Variants in ZBTB11 observed in about 807,000 individuals in gnomAD.
The protein encoded by ZBTB11 is zinc finger and BTB domain-containing protein 11.
ZBTB11 carries 68 observed loss-of-function variants against 113.1 expected under a neutral mutation model. That is an observed-to-expected ratio of 0.60 (90% confidence interval 0.49 to 0.74). The LOEUF (loss-of-function observed/expected upper bound fraction) is 0.74, where lower values mean the gene tolerates loss of function less well. Among genes scored for constraint, ZBTB11 ranks in the 30% least tolerant of loss-of-function variants. The pLI is 0.00. For synonymous variants in ZBTB11, 518 were observed against 452.6 expected (o/e 1.14, Z -1.83); for missense variants, 1,104 against 1,279.4 (o/e 0.86, Z 2.09).
chr3:101,651,269 A>G lies in ZBTB11; in HGVS notation c.3059T>C (p.Val1020Ala). The G allele has an allele frequency of 6.2e-7, 1 of 1,614,206 alleles. No individual in the cohort carries two copies. Among genetic ancestry groups the G allele is most frequent in the Non-Finnish European group, 8.5e-7 (1 of 1,180,036 alleles). ...TTGCTGTTGTGCTAATACATAATTA[A>G]CCACTTGCATAATACTTTGGTCAGA... ...TLSDQSIMQV[V>A]NYVLAQQQGQ... Residue 1020 changes from valine to alanine, a missense_variant, in exon 11 of 11, where the codon GTT becomes GCT. By Grantham distance (64) the Val-to-Ala change is moderately conservative. This residue lies in a region of ZBTB11 where 90 missense variants were observed against 98.0 expected (regional missense o/e 0.92). Transcript: ENST00000312938.
At chr3:101,661,061 G>A (rs558707812) in intron 5 of ZBTB11, among the ~76,000 whole-genome samples, 13 of 151,678 alleles carry the variant, frequency 8.6e-5, no homozygotes, top group Non-Finnish European at 1.5e-4. Context: ...GTAAAACCCT[G>A]TCTCTACAAA....
At position 101,650,369 on chromosome 3, in the gene ZBTB11, C is replaced by T. The variant is rs928063244; in HGVS notation, c.*797G>A. ...TTTTCCATTAATTGTCCTATGTTAT[C>T]AAGGAGAATTTTCCTGTCAACAGTG... is the stretch of plus-strand genomic sequence containing the variant. On this transcript the variant is annotated 3_prime_UTR_variant, in exon 11 of 11. Coordinates refer to ENST00000312938, the MANE Select transcript of ZBTB11 (RefSeq NM_014415.4). The T allele has an allele frequency of 1.3e-5, 2 of 152,456 alleles. No homozygotes were observed. The highest frequency in any genetic ancestry group is 2.9e-5 in the Non-Finnish European group (2 of 67,984). 9.4% of individuals were successfully genotyped at this position (152,456 alleles called of 1,614,324 possible). A position where few individuals can be genotyped will look rare whatever the true frequency, so the allele number is the denominator to read the frequency against.
In ZBTB11 at chr3:101,659,956, G is replaced by C. The variant is rs1270074999; in HGVS notation, c.1873C>G (p.Pro625Ala). The change falls in exon 6 of 11, where the codon CCC becomes GCC. Residue 625 changes from proline to alanine, a missense_variant. By Grantham distance (27) the Pro-to-Ala change is conservative. Around this residue, in one of 5 missense-constraint regions of ZBTB11, gnomAD observed 535 missense variants for 518.6 expected, o/e 1.03. Coordinates refer to ENST00000312938, the MANE Select transcript of ZBTB11 (RefSeq NM_014415.4). Reference protein sequence around the residue: ...HLIRHTRKDAPSSSSSNSTSN... With the variant: ...HLIRHTRKDAASSSSSNSTSN... ...GTGGAATTGGACGAGGATGAAGAGG[G>C]TGCATCTTTTCTGGTATGACGAATA... The C allele has an allele frequency of 3.7e-6, 6 of 1,614,164 alleles. No individual in the cohort carries two copies. The East Asian group carries it at 1.1e-4, about 30-fold the overall frequency.
chr3:101,671,894 G>C (rs1241118633), intron 2 of ZBTB11, 84 bp downstream of exon 2: 1 of 1,047,250 alleles, frequency 9.5e-7, no homozygotes, highest in South Asian at 1.3e-5. Flanking sequence ...CAGTCTTAGT[G>C]GTTTGAGAAA....
intron 6 of ZBTB11, among the ~76,000 whole-genome samples, chr3:101,658,048 C>T (rs922148342): frequency 6.6e-6 from 1 of 152,084 alleles, no homozygotes; most frequent in African/African-American, 2.4e-5. Context: ...ATGTTTACAA[C>T]AGCACAATTC....
rs1486236371 is a variant in ZBTB11, at chr3:101,649,321, T to C, written c.*1845A>G. The C allele has an allele frequency of 6.6e-6, 1 of 152,224 alleles. No individual in the cohort carries two copies. The highest frequency in any genetic ancestry group is 2.4e-5 in the African/African-American group (1 of 41,456). The allele number at this position is 152,224 out of a possible 1,614,324, so 9.4% of individuals were successfully genotyped here. A position where few individuals can be genotyped will look rare whatever the true frequency, so the allele number is the denominator to read the frequency against. ...GTAAGAAGTTTTAATATTGTGTTCC[T>C]CCAATCGTTATTTTTTAGTGTTTTA... On this transcript the variant is annotated 3_prime_UTR_variant, in exon 11 of 11. Transcript: ENST00000312938.
In ZBTB11 at chr3:101,651,477, T is replaced by C; in HGVS notation, c.2851A>G (p.Thr951Ala). ...VPCKIMLEKD[T>A]LQFHNQGTQV... ...GTTCCTTGGTTATGAAACTGAAGGG[T>C]GTCTTTTTCCAGCATAATTTTGCAA... is the stretch of plus-strand genomic sequence containing the variant. Residue 951 changes from threonine to alanine, a missense_variant, in exon 11 of 11, where the codon ACC (threonine) becomes GCC (alanine). Transcript: ENST00000312938. The C allele has an allele frequency of 6.2e-7, 1 of 1,614,060 alleles. No individual in the cohort carries two copies. Among genetic ancestry groups the C allele is most frequent in the Non-Finnish European group, 8.5e-7 (1 of 1,179,996 alleles).
intron 6 of ZBTB11, among the ~76,000 whole-genome samples, chr3:101,659,002 C>A (rs1346707832): frequency 6.6e-6 from 1 of 152,098 alleles, no homozygotes; most frequent in Non-Finnish European, 1.5e-5. Flanking sequence ...ACTTTGGGAG[C>A]CTGACGTAGG....
At chr3:101,674,359 G>A (rs1279622026) in intron 1 of ZBTB11, among the ~76,000 whole-genome samples, 2 of 151,880 alleles carry the variant, frequency 1.3e-5, no homozygotes, top group African/African-American at 4.8e-5. Context: ...CAATGGGTTC[G>A]AGTTAAATAT....
intron 7 of ZBTB11, 87 bp from the exon 8 acceptor site, chr3:101,654,908 C>T: frequency 1.0e-6 from 1 of 1,000,100 alleles, no homozygotes; most frequent in East Asian, 2.4e-5. Context: ...GCATCTCACT[C>T]TGTTGCCCAG....
Position 101,676,666 on chromosome 3 carries a change from G to A in ZBTB11, c.249C>T (p.Gly83=). ...TCTGATGCCGGGTGTGGTGAGTGCC[G>A]CCGGGACCCAGGTGCGCCGCCTCGA... ...DLIEAAHLGP[G]GTHHTRHQTW... The change falls in exon 1 of 11, where the codon GGC becomes GGT. Residue 83 remains glycine (G), a synonymous_variant. Transcript: ENST00000312938. The A allele has an allele frequency of 6.3e-7, 1 of 1,588,642 alleles. No individual in the cohort carries two copies. The highest frequency in any genetic ancestry group is 8.6e-7 in the Non-Finnish European group (1 of 1,165,768).
Position 101,676,940 on chromosome 3 carries a change from C to A in ZBTB11, c.-26G>T, listed in dbSNP as rs905090971. 2.6e-6 allele frequency: 4 copies of A among 1,542,430 alleles called. No individual in the cohort carries two copies. Among genetic ancestry groups the A allele is most frequent in the Non-Finnish European group, 3.5e-6 (4 of 1,141,524 alleles). On this transcript the variant is annotated 5_prime_UTR_variant, in exon 1 of 11. Coordinates refer to ENST00000312938, the MANE Select transcript of ZBTB11 (RefSeq NM_014415.4). ...CGCGGACCGCGGCTCCCTGAGGGCG[C>A]CTGTCAGGGACAGGTGAGGAAAACG...
At position 101,664,631 on chromosome 3, in the gene ZBTB11, A is replaced by G. The variant is rs372895110; in HGVS notation, c.1707T>C (p.His569=). Residue 569 remains histidine (H), a synonymous_variant, in exon 5 of 11, where the codon CAT becomes CAC. Transcript: ENST00000312938. ...AAACCATTCCACATTCCCCACATTTATGAGATGCTTCTTCTGTGTTCTCTT... is the reference window on the plus strand; with the variant it reads ...AAACCATTCCACATTCCCCACATTTGTGAGATGCTTCTTCTGTGTTCTCTT... ...DAKENTEEAS[H]KCGECGMVFQ... is the part of the protein sequence containing the mutation. 3 of 1,613,750 alleles carry G rather than the reference A, an allele frequency of 1.9e-6. No individual in the cohort carries two copies. Among genetic ancestry groups the G allele is most frequent in the African/African-American group, 2.7e-5 (2 of 74,900 alleles).
intron 7 of ZBTB11, 121 bp downstream of exon 7, chr3:101,655,983 G>T (rs1051595566): frequency 3.5e-6 from 3 of 859,990 alleles, no homozygotes; most frequent in African/African-American, 3.6e-5. Context: ...TTAAAATACT[G>T]TCTCAATACA....
chr3:101,664,718 G>C lies in ZBTB11; in HGVS notation c.1624-4C>G, dbSNP rs11712748. The C allele has an allele frequency of 6.3e-7, 1 of 1,589,750 alleles. No homozygotes were observed. The highest frequency in any genetic ancestry group is 1.2e-5 in the South Asian group (1 of 86,448). ...TTTGAACTAACTTCTGAGCCACCTA[G>C]TAAGGGATAGAAATCACAATCTAAG... On this transcript the variant is annotated splice_polypyrimidine_tract_variant and splice_region_variant and intron_variant, in intron 4 of 10. Coordinates refer to ENST00000312938, the MANE Select transcript of ZBTB11 (RefSeq NM_014415.4).
At chr3:101,671,044 T>G (rs1559988285) in intron 3 of ZBTB11, 86 bp downstream of exon 3, 1 of 1,142,968 alleles carries the variant, frequency 8.7e-7, no homozygotes, top group East Asian at 2.5e-5. Flanking sequence ...TACTTTGGCA[T>G]AAAGTCCGTG....
Position 101,656,172 on chromosome 3 carries a change from T to C in ZBTB11, c.2123A>G (p.Gln708Arg). 2.5e-6 allele frequency: 4 copies of C among 1,601,826 alleles called. No homozygotes were observed. The highest frequency in any genetic ancestry group is 1.7e-5 in the Admixed American group (1 of 58,120). ...AAATGACTTAACACACAGTTCACAC[T>C]GGAACTGCTTCTGTGATTGATGAAG... ...QSLHQSQKQF[Q>R]CELCVKSFVT... is the part of the protein sequence containing the mutation. The change falls in exon 7 of 11, where the codon CAG (glutamine) becomes CGG (arginine). Residue 708 changes from glutamine (Q) to arginine (R), a missense_variant. Physicochemically the swap from Gln to Arg is conservative, Grantham distance 43. Around this residue, in one of 5 missense-constraint regions of ZBTB11, gnomAD observed 535 missense variants for 518.6 expected, o/e 1.03. Transcript: ENST00000312938.
intron 10 of ZBTB11, among the ~76,000 whole-genome samples, 189 bp downstream of exon 10, chr3:101,652,307 G>C (rs899893935): frequency 1.4e-4 from 22 of 152,094 alleles, no homozygotes; most frequent in African/African-American, 4.8e-4. Flanking sequence ...ACAGAATTAA[G>C]TTCACTAAAA....
At chr3:101,661,937 C>T (rs1268160736) in intron 5 of ZBTB11, 3 of 151,834 alleles carry the variant, frequency 2.0e-5, no homozygotes, top group Non-Finnish European at 4.4e-5. Flanking sequence ...TGGGAGATTT[C>T]ATTAGTTATA....
Sources: allele counts gnomAD v4.1 joint callset (sites outside exome capture counted in the v4.1 genomes callset), GRCh38; gene constraint gnomAD v4.1.1; regional missense constraint gnomAD v4.1.1; transcripts MANE v1.5; gene names NCBI Gene and HGNC (gene_info 2026-07-23, HGNC 2026-07-21).